Variants in SORBS2 observed in about 807,000 individuals in gnomAD.
SORBS2 encodes sorbin and SH3 domain-containing protein 2.
Under a neutral mutation model 97.7 loss-of-function variants are expected in SORBS2, and 46 were observed. The ratio of observed to expected loss-of-function variants is 0.47; its 90% confidence interval spans 0.37 to 0.60. SORBS2 has a LOEUF of 0.60. Ranked by LOEUF, SORBS2 falls within the 20% of genes least tolerant of loss-of-function variation. SORBS2 has a pLI of 0.00. For missense variants in SORBS2, 1,316 were observed against 1,282.3 expected (o/e 1.03, Z -0.40); for synonymous variants, 476 against 473.4 (o/e 1.01, Z -0.07).
chr4:185,667,139 T>G (rs1421854466), intron 4 of SORBS2, among the ~76,000 whole-genome samples: 2 of 152,208 alleles, frequency 1.3e-5, no homozygotes, highest in Admixed American at 6.5e-5. Context: ...CTTACTTATT[T>G]TTTCTACCTT....
At chr4:185,948,710 G>T (rs149662850) in intron 1 of SORBS2, among the ~76,000 whole-genome samples, 2,645 of 151,490 alleles carry the variant, frequency 0.017, 74 homozygotes, top group African/African-American at 0.061. Context: ...TAGAGACAGG[G>T]TTTCATCATG....
At chr4:185,702,578 A>G (rs905039831) in intron 2 of SORBS2, among the ~76,000 whole-genome samples, 3 of 152,204 alleles carry the variant, frequency 2.0e-5, no homozygotes, top group Non-Finnish European at 4.4e-5. Flanking sequence ...GCACACATCA[A>G]TAGCGAGGAA....
At chr4:185,630,551 C>T in exon 5 of SORBS2, 2 of 1,580,350 alleles carry the variant, frequency 1.3e-6, no homozygotes, top group Non-Finnish European at 8.7e-7. Context: ...ATTCTTACCT[C>T]ATGGGTCTTT....
chr4:185,637,500 T>C (rs887386176), intron 4 of SORBS2, among the ~76,000 whole-genome samples: 1 of 152,248 alleles, frequency 6.6e-6, no homozygotes, highest in African/African-American at 2.4e-5. Flanking sequence ...TCTGGCAGTA[T>C]ATTATAGTGA....
intron 5 of SORBS2, 51 bp from the exon 18 acceptor site, chr4:185,627,070 G>T: frequency 6.4e-7 from 1 of 1,563,776 alleles, no homozygotes; most frequent in Non-Finnish European, 8.8e-7. Context: ...AGGTTCGGGT[G>T]TGCACCAGAA....
At chr4:185,899,103 TC>T (rs1202349402) in intron 1 of SORBS2, among the ~76,000 whole-genome samples, 1 of 152,136 alleles carries the variant, frequency 6.6e-6, no homozygotes, top group Non-Finnish European at 1.5e-5. Context: ...GAGACAGGAA[TC>T]AGGGCAGCCT....
At chr4:185,752,719 T>C (rs911838957) in intron 2 of SORBS2, among the ~76,000 whole-genome samples, 4 of 152,142 alleles carry the variant, frequency 2.6e-5, no homozygotes, top group African/African-American at 9.7e-5. Context: ...ATAGAATAAG[T>C]GGAAAATAAC....
intron 2 of SORBS2, among the ~76,000 whole-genome samples, chr4:185,766,171 G>A (rs1021342936): frequency 6.6e-6 from 1 of 152,106 alleles, no homozygotes; most frequent in South Asian, 2.1e-4. Flanking sequence ...CATCCTTCTT[G>A]AATTTGCACT....
chr4:185,797,763 C>T (rs2133383), intron 1 of SORBS2, among the ~76,000 whole-genome samples: 9,977 of 152,166 alleles, frequency 0.066, 444 homozygotes, highest in African/African-American at 0.13. Flanking sequence ...AAAGCTCTTC[C>T]ATGCCCCCAC....
At chr4:185,855,735 A>G (rs1008124441) in intron 1 of SORBS2, among the ~76,000 whole-genome samples, 1 of 152,216 alleles carries the variant, frequency 6.6e-6, no homozygotes, top group Non-Finnish European at 1.5e-5. Context: ...CACCAAATCC[A>G]TCATATAACT....
At chr4:185,675,059 C>T (rs565965731) in intron 4 of SORBS2, 1 of 152,202 alleles carries the variant, frequency 6.6e-6, no homozygotes, top group Non-Finnish European at 1.5e-5. Flanking sequence ...ATAAATATTT[C>T]TTGAATAAAT....
intron 12 of SORBS2, among the ~76,000 whole-genome samples, chr4:185,600,995 A>ACT (rs1486118194): frequency 1.3e-5 from 2 of 152,072 alleles, no homozygotes; most frequent in African/African-American, 4.8e-5. Context: ...TCCTTCCAAT[A>ACT]GCGGACAGGA....
chr4:185,710,804 G>A (rs1465238256), intron 2 of SORBS2, among the ~76,000 whole-genome samples: 1 of 152,210 alleles, frequency 6.6e-6, no homozygotes, highest in Non-Finnish European at 1.5e-5. Context: ...AGCGGGCACA[G>A]TGCCCGTGGA....
At position 185,823,564 on chromosome 4, in the gene SORBS2, T is replaced by C. The variant is rs1048730870; in HGVS notation, c.-337-48198A>G. On this transcript the variant is annotated intron_variant, in intron 1 of 20. Transcript: ENST00000284776. Reference sequence around the variant, plus strand: ...AGAAAATGGTTATTAAAAATAGCAATAGTAAACTGACTTTATGAAAAGTCA... The same window carrying C: ...AGAAAATGGTTATTAAAAATAGCAACAGTAAACTGACTTTATGAAAAGTCA... Among the ~76,000 whole-genome samples, 25 of 152,024 alleles carry C rather than the reference T, an allele frequency of 1.6e-4. No homozygotes were observed. In the East Asian group the frequency reaches 4.8e-3, roughly 29 times the overall value.
intron 1 of SORBS2, among the ~76,000 whole-genome samples, chr4:185,835,660 T>A (rs1209715238): frequency 4.0e-5 from 6 of 151,506 alleles, no homozygotes; most frequent in Non-Finnish European, 5.9e-5. Flanking sequence ...GGATTTTTTT[T>A]TTTTTTTTTT....
At chr4:185,850,644 CAT>C (rs1424916470) in intron 1 of SORBS2, among the ~76,000 whole-genome samples, 1 of 152,162 alleles carries the variant, frequency 6.6e-6, no homozygotes, top group Non-Finnish European at 1.5e-5. Context: ...GTGTGTATAT[CAT>C]ATGTTTTACA....
At chr4:185,680,048 T>C (rs2097848567) in intron 2 of SORBS2, among the ~76,000 whole-genome samples, 2 of 152,240 alleles carry the variant, frequency 1.3e-5, no homozygotes, top group Non-Finnish European at 2.9e-5. Context: ...TAACTTGGTA[T>C]GGATTTTATC....
Position 185,814,581 on chromosome 4 carries a change from T to C in SORBS2, c.-337-39215A>G, listed in dbSNP as rs28716512. Among the ~76,000 whole-genome samples the C allele has an allele frequency of 9.3e-3, 1,401 of 149,928 alleles. 18 individuals carry two copies. The highest frequency in any genetic ancestry group is 0.031 in the African/African-American group (1,237 of 40,406). On this transcript the variant is annotated intron_variant, in intron 1 of 20. Transcript: ENST00000284776. ...ACAAACAAACAAACAAACAAACAAA[T>C]ATCTGAAGTCATTTTCCTTTGGAAT...
intron 1 of SORBS2, among the ~76,000 whole-genome samples, chr4:185,884,769 C>A (rs993413177): frequency 6.6e-6 from 1 of 152,164 alleles, no homozygotes; most frequent in Non-Finnish European, 1.5e-5. Flanking sequence ...TATATGGAGT[C>A]GGTGTATTCC....
Sources: gnomAD v4.1 joint callset for allele counts (sites outside exome capture counted in the v4.1 genomes callset) on GRCh38, gnomAD v4.1.1 for gene constraint, MANE v1.5 for transcripts, NCBI Gene and HGNC (gene_info 2026-07-23, HGNC 2026-07-21) for gene names.